Variants in EML6 observed in about 807,000 individuals in gnomAD.
The protein encoded by EML6 is EMAP like 6.
A neutral mutation model predicts 240.1 loss-of-function variants in EML6; 154 were observed. The observed-to-expected ratio is 0.64, with a 90% CI of 0.56 to 0.73. EML6 has a LOEUF of 0.73. Among genes scored for constraint, EML6 ranks in the 30% least tolerant of loss-of-function variants. EML6 has a pLI of 0.00. For missense variants in EML6, 2,964 were observed against 2,474.6 expected (o/e 1.20, Z -4.20); for synonymous variants, 1,148 against 899.0 (o/e 1.28, Z -4.95).
chr2:54,905,820 A>C (rs545504801), intron 24 of EML6, among the ~76,000 whole-genome samples: 4 of 152,346 alleles, frequency 2.6e-5, no homozygotes, highest in African/African-American at 4.8e-5. Context: ...TCCACTTAGC[A>C]TAATGTTCTC....
At chr2:54,820,612 A>C (rs904873202) in intron 5 of EML6, 150 bp downstream of exon 5, 2 of 550,782 alleles carry the variant, frequency 3.6e-6, no homozygotes, top group African/African-American at 3.8e-5. Context: ...TCCTGAAGCA[A>C]ACTAACATCA....
intron 16 of EML6, among the ~76,000 whole-genome samples, chr2:54,874,643 A>G (rs1255280313): frequency 1.3e-5 from 2 of 152,144 alleles, no homozygotes. Flanking sequence ...ATTGTGGAAA[A>G]ACTTTGACTG....
chr2:54,910,472 T>C (rs1477706863), intron 24 of EML6, among the ~76,000 whole-genome samples: 5 of 152,228 alleles, frequency 3.3e-5, no homozygotes, highest in African/African-American at 9.6e-5. Context: ...ATTTATAGTT[T>C]GTGTGTTCTG....
chr2:54,926,070 A>C (rs1174162693), intron 26 of EML6, among the ~76,000 whole-genome samples: 1 of 152,198 alleles, frequency 6.6e-6, no homozygotes, highest in Non-Finnish European at 1.5e-5. Context: ...TCTTCCCTAC[A>C]AGGGATTGAC....
intron 5 of EML6, among the ~76,000 whole-genome samples, chr2:54,824,832 C>T (rs758634496): frequency 2.6e-5 from 4 of 152,128 alleles, no homozygotes; most frequent in Non-Finnish European, 5.9e-5. Context: ...GCATTACAGT[C>T]TGTGGGTAGA....
At chr2:54,847,373 C>T in intron 8 of EML6, 113 bp from the exon 9 acceptor site, 3 of 1,130,838 alleles carry the variant, frequency 2.7e-6, no homozygotes, top group Non-Finnish European at 3.7e-6. Flanking sequence ...GTGTGAAGTT[C>T]CTATGTCTTT....
At chr2:54,903,613 T>C in intron 24 of EML6, 111 bp downstream of exon 24, 50 of 624,322 alleles carry the variant, frequency 8.0e-5, no homozygotes, top group Non-Finnish European at 1.0e-4. Flanking sequence ...GAAAGGGGAA[T>C]CCCACAACAA....
chr2:54,822,123 C>G (rs1475661853), intron 5 of EML6, among the ~76,000 whole-genome samples: 1 of 152,042 alleles, frequency 6.6e-6, no homozygotes, highest in Non-Finnish European at 1.5e-5. Flanking sequence ...AGAAAACTGA[C>G]AAATAGAAAC....
intron 25 of EML6, among the ~76,000 whole-genome samples, chr2:54,916,534 T>G (rs760151450): frequency 1.2e-4 from 18 of 152,228 alleles, no homozygotes; most frequent in Non-Finnish European, 1.9e-4. Context: ...AAAATGTTCA[T>G]TTTATCTAGA....
chr2:54,811,372 G>T (rs1183330111), intron 2 of EML6, among the ~76,000 whole-genome samples: 2 of 152,164 alleles, frequency 1.3e-5, no homozygotes, highest in South Asian at 2.1e-4. Context: ...AACTGTGGAG[G>T]ACATTGTCTT....
At chr2:54,916,672 T>G (rs756839891) in intron 25 of EML6, 87 bp from the exon 26 acceptor site, 148 of 1,108,138 alleles carry the variant, frequency 1.3e-4, no homozygotes, top group Non-Finnish European at 1.7e-4. Flanking sequence ...GGCAAAGTAA[T>G]TTAGAATTAC....
chr2:54,858,483 A>G (rs1385235324), intron 11 of EML6, among the ~76,000 whole-genome samples: 1 of 152,234 alleles, frequency 6.6e-6, no homozygotes, highest in East Asian at 1.9e-4. Flanking sequence ...CCTGCTCCCC[A>G]ATTACTCAAT....
At chr2:54,885,832 C>T (rs181098208) in intron 17 of EML6, among the ~76,000 whole-genome samples, 3 of 152,078 alleles carry the variant, frequency 2.0e-5, no homozygotes, top group African/African-American at 2.4e-5. Context: ...AGGATGGTCT[C>T]GATCTCCTGA....
intron 2 of EML6, among the ~76,000 whole-genome samples, chr2:54,731,371 G>A (rs1192825396): frequency 3.3e-5 from 5 of 152,156 alleles, no homozygotes; most frequent in Admixed American, 2.6e-4. Flanking sequence ...TATGAGTCCA[G>A]GCTCACTCCT....
intron 4 of EML6, 110 bp from the exon 5 acceptor site, chr2:54,820,284 T>C: frequency 4.5e-6 from 3 of 673,526 alleles, no homozygotes; most frequent in Non-Finnish European, 7.8e-6. Context: ...TCTGTGCAGG[T>C]AACATTGTGT....
chr2:54,869,453 C>G (rs1671141698), intron 15 of EML6, 86 bp downstream of exon 15: 2 of 1,034,948 alleles, frequency 1.9e-6, no homozygotes, highest in East Asian at 2.6e-5. Context: ...TCAAGAAATG[C>G]TTGGTAGAAA....
intron 26 of EML6, among the ~76,000 whole-genome samples, chr2:54,922,246 A>T (rs1171837633): frequency 6.6e-6 from 1 of 152,242 alleles, no homozygotes; most frequent in African/African-American, 2.4e-5. Flanking sequence ...CAGGCAAATG[A>T]CTTGAATAGA....
chr2:54,733,151 G>T (rs570718786), intron 2 of EML6, among the ~76,000 whole-genome samples: 2 of 152,338 alleles, frequency 1.3e-5, no homozygotes, highest in South Asian at 4.1e-4. Context: ...GAGGGGAGCA[G>T]CAGGCCAGCC....
intron 19 of EML6, 65 bp downstream of exon 19, chr2:54,892,721 G>T: frequency 1.5e-6 from 2 of 1,296,366 alleles, no homozygotes; most frequent in South Asian, 1.4e-5. Flanking sequence ...GTAGTCTTAG[G>T]ATGGCCCAAG....
Sources: gnomAD v4.1 joint callset for allele counts (sites outside exome capture counted in the v4.1 genomes callset) on GRCh38, gnomAD v4.1.1 for gene constraint, MANE v1.5 for transcripts, NCBI Gene and HGNC (gene_info 2026-07-23, HGNC 2026-07-21) for gene names.